PTPRJ: variants seen among roughly 807,000 people sequenced by gnomAD.
The protein encoded by PTPRJ is protein tyrosine phosphatase receptor type J, also known as receptor-type tyrosine-protein phosphatase eta.
A neutral mutation model predicts 141.3 loss-of-function variants in PTPRJ; 129 were observed. That is an observed-to-expected ratio of 0.91 (90% CI 0.79 to 1.06). PTPRJ has a LOEUF of 1.06. PTPRJ is among the 50% of genes least tolerant of loss of function. The probability of loss-of-function intolerance (pLI) is 0.00; values close to 1 mark genes in which losing one functional copy is unlikely to be tolerated. For synonymous variants in PTPRJ, 610 were observed against 640.5 expected, an observed-to-expected ratio of 0.95 and a Z score of 0.72; for missense variants, 1,601 against 1,679.7, an observed-to-expected ratio of 0.95 and a Z score of 0.82.
At chr11:48,077,833 C>T (rs184947338) in intron 1 of PTPRJ, among the ~76,000 whole-genome samples, 71 of 152,252 alleles carry the variant, frequency 4.7e-4, no homozygotes, top group South Asian at 2.1e-4. Flanking sequence ...TGTTCTCCAG[C>T]GATTTGTAAC....
At position 48,084,626 on chromosome 11, in the gene PTPRJ, T is replaced by G. The variant is rs554853123; in HGVS notation, c.97-25432T>G. Among the ~76,000 whole-genome samples, 4 of 152,330 alleles carry G rather than the reference T, an allele frequency of 2.6e-5. No individual in the cohort carries two copies. The South Asian group carries it at 8.3e-4, about 32-fold the overall frequency. On this transcript the variant is annotated intron_variant, in intron 1 of 24. Coordinates refer to ENST00000418331, the MANE Select transcript of PTPRJ (RefSeq NM_002843.4). ...CTGAGCCCTGATTGGTTGATACAGC[T>G]GAGCTCTGATTGGCTGAAGCAGACG...
chr11:48,052,016 T>C (rs149807579), intron 1 of PTPRJ, among the ~76,000 whole-genome samples: 2 of 152,216 alleles, frequency 1.3e-5, no homozygotes, highest in East Asian at 3.8e-4. Context: ...AGATCGATGA[T>C]GATGATGATG....
chr11:48,029,063 A>T (rs371128098), intron 1 of PTPRJ, among the ~76,000 whole-genome samples: 1 of 152,208 alleles, frequency 6.6e-6, no homozygotes, highest in Admixed American at 6.5e-5. Context: ...TGAGCACAAC[A>T]TTGGCCCTAG....
At chr11:48,020,319 A>G (rs1855082167) in intron 1 of PTPRJ, among the ~76,000 whole-genome samples, 1 of 152,218 alleles carries the variant, frequency 6.6e-6, no homozygotes, top group African/African-American at 2.4e-5. Context: ...GACAGATTTG[A>G]GTCAGTTATC....
chr11:48,040,802 A>G (rs1461021777), intron 1 of PTPRJ, among the ~76,000 whole-genome samples: 1 of 151,910 alleles, frequency 6.6e-6, no homozygotes. Flanking sequence ...GAATTTCACC[A>G]TATTGGCCAG....
chr11:48,087,214 G>A (rs1855739237), intron 1 of PTPRJ, among the ~76,000 whole-genome samples: 1 of 152,204 alleles, frequency 6.6e-6, no homozygotes, highest in Admixed American at 6.5e-5. Flanking sequence ...AAACACTGGT[G>A]TGCAGATGGA....
Position 48,117,208 on chromosome 11 carries a change from C to T in PTPRJ, c.353-3795C>T, listed in dbSNP as rs150638773. 2.1e-3 allele frequency among the ~76,000 whole-genome samples: 323 copies of T among 152,198 alleles called. 2 individuals carry two copies. The highest frequency in any genetic ancestry group is 7.2e-3 in the African/African-American group (299 of 41,518). ...AGCCTATGGGATACACCAAAAGCAGCCCTTCCAAGAAAGTTGACAGCAATA... is the reference window on the plus strand; with the variant it reads ...AGCCTATGGGATACACCAAAAGCAGTCCTTCCAAGAAAGTTGACAGCAATA... On this transcript the variant is annotated intron_variant, in intron 3 of 24. Transcript: ENST00000418331.
At chr11:48,033,295 G>A (rs1854035993) in intron 1 of PTPRJ, among the ~76,000 whole-genome samples, 1 of 152,070 alleles carries the variant, frequency 6.6e-6, no homozygotes, top group Non-Finnish European at 1.5e-5. Context: ...GTGGGGTGGG[G>A]TGGATTTTGG....
intron 7 of PTPRJ, among the ~76,000 whole-genome samples, chr11:48,129,735 C>G (rs11607114): frequency 0.23 from 34,553 of 151,986 alleles, 4,753 homozygotes; most frequent in African/African-American, 0.38. Flanking sequence ...ATCCAGGGGT[C>G]TATGTTCTGA....
chr11:47,985,803 C>T (rs890760923), intron 1 of PTPRJ, among the ~76,000 whole-genome samples: 14 of 152,212 alleles, frequency 9.2e-5, no homozygotes, highest in Admixed American at 6.5e-5. Context: ...CGGGTTCAAG[C>T]GATTCTCCTG....
chr11:48,125,880 G>A (rs1351107888), intron 6 of PTPRJ, among the ~76,000 whole-genome samples: 1 of 152,118 alleles, frequency 6.6e-6, no homozygotes, highest in African/African-American at 2.4e-5. Flanking sequence ...CCTTCCCTTT[G>A]TACTTGTTTT....
chr11:48,076,391 G>A (rs892655700), intron 1 of PTPRJ, among the ~76,000 whole-genome samples: 4 of 152,114 alleles, frequency 2.6e-5, no homozygotes, highest in Admixed American at 2.0e-4. Context: ...TCTTTTCTTT[G>A]TTTCATATAT....
At chr11:48,109,334 G>A (rs907508913) in intron 1 of PTPRJ, among the ~76,000 whole-genome samples, 1 of 152,124 alleles carries the variant, frequency 6.6e-6, no homozygotes, top group Non-Finnish European at 1.5e-5. Context: ...AAACAATAGA[G>A]TGTACAACCT....
chr11:48,044,497 G>A (rs775360031), intron 1 of PTPRJ, among the ~76,000 whole-genome samples: 2 of 152,216 alleles, frequency 1.3e-5, no homozygotes, highest in Non-Finnish European at 2.9e-5. Context: ...GCTGGCTAGC[G>A]AGGTTGGGCG....
chr11:48,087,079 A>G (rs1855735504), intron 1 of PTPRJ, among the ~76,000 whole-genome samples: 1 of 152,216 alleles, frequency 6.6e-6, no homozygotes, highest in Non-Finnish European at 1.5e-5. Flanking sequence ...GTTGACTTGT[A>G]TAATTCACAG....
intron 1 of PTPRJ, among the ~76,000 whole-genome samples, chr11:48,092,528 C>G (rs1855898668): frequency 6.6e-6 from 1 of 151,672 alleles, no homozygotes; most frequent in African/African-American, 2.4e-5. Flanking sequence ...CTCTTGGGCT[C>G]AAGATATTCT....
At chr11:48,116,296 C>T (rs1282312372) in intron 3 of PTPRJ, among the ~76,000 whole-genome samples, 1 of 152,090 alleles carries the variant, frequency 6.6e-6, no homozygotes, top group East Asian at 1.9e-4. Context: ...ATAAAATAGA[C>T]TTTAAGTTCA....
At position 48,145,041 on chromosome 11, in the gene PTPRJ, A is replaced by T; in HGVS notation, c.2828A>T (p.Gln943Leu). Residue 943 changes from glutamine to leucine, a missense_variant, in exon 14 of 25, where the codon CAA (glutamine) becomes CTA (leucine). By Grantham distance (113) the Gln-to-Leu change is moderately radical. Transcript: ENST00000418331. ...TTCACCAACATTACCTTCCACCCTC[A>T]AAACAAGGGGCTCATTGATGGGGCT... The part of the protein sequence containing the change: ...AGFTNITFHP[Q>L]NKGLIDGAES... 1 of 1,614,126 alleles carries T rather than the reference A, an allele frequency of 6.2e-7. No homozygotes were observed. Among genetic ancestry groups the T allele is most frequent in the Non-Finnish European group, 8.5e-7 (1 of 1,180,022 alleles).
At chr11:48,006,458 C>G (rs2134195527) in intron 1 of PTPRJ, among the ~76,000 whole-genome samples, 1 of 152,194 alleles carries the variant, frequency 6.6e-6, no homozygotes, top group Admixed American at 6.5e-5. Context: ...ACATCCCTGC[C>G]CATTCAGAGA....
Sources: allele counts gnomAD v4.1 joint callset (sites outside exome capture counted in the v4.1 genomes callset), GRCh38; gene constraint gnomAD v4.1.1; transcripts MANE v1.5; gene names NCBI Gene and HGNC (gene_info 2026-07-23, HGNC 2026-07-21).